The following RIT2 variants were observed in gnomAD, a reference collection of about 807,000 sequenced individuals.
RIT2 encodes the protein GTP-binding protein Rit2.
A neutral mutation model predicts 23.7 loss-of-function variants in RIT2; 24 were observed. The observed-to-expected ratio is 1.01, with a 90% CI of 0.73 to 1.43. The LOEUF is 1.43. Among genes scored for constraint, RIT2 ranks in the 40% most tolerant of loss-of-function variants. RIT2 has a pLI of 0.00. For missense variants in RIT2, 236 were observed against 266.9 expected, an observed-to-expected ratio of 0.88 and a Z score of 0.81; for synonymous variants, 107 against 91.1, an observed-to-expected ratio of 1.17 and a Z score of -0.99.
rs558887361 is a variant in RIT2 at position 42,774,017 on chromosome 18, A to C, written c.427-30297T>G. Among the ~76,000 whole-genome samples, 24 of 152,354 alleles carry C rather than the reference A, an allele frequency of 1.6e-4. 1 individual carries two copies. The highest frequency in any genetic ancestry group is 1.5e-3 in the Admixed American group (23 of 15,302). On this transcript the variant is annotated intron_variant, in intron 4 of 4. Coordinates refer to ENST00000326695, the MANE Select transcript of RIT2 (RefSeq NM_002930.4). ...TGTTGAACTAAACATGAATGAGAGCAATGGAATTCACAGTTTTACCAATGC... is the reference window on the plus strand; with the variant it reads ...TGTTGAACTAAACATGAATGAGAGCCATGGAATTCACAGTTTTACCAATGC...
At chr18:42,897,586 G>T (rs1459294935) in intron 4 of RIT2, among the ~76,000 whole-genome samples, 1 of 152,080 alleles carries the variant, frequency 6.6e-6, no homozygotes, top group African/African-American at 2.4e-5. Flanking sequence ...TAAATGCATA[G>T]CACATAAACC....
intron 3 of RIT2, among the ~76,000 whole-genome samples, chr18:42,941,163 C>G (rs995717111): frequency 6.6e-6 from 1 of 151,832 alleles, no homozygotes; most frequent in African/African-American, 2.4e-5. Context: ...TTGACAAAGG[C>G]AAAAAGAAAT....
chr18:42,860,286 A>T (rs1907292394), intron 4 of RIT2, among the ~76,000 whole-genome samples: 1 of 152,176 alleles, frequency 6.6e-6, no homozygotes, highest in South Asian at 2.1e-4. Flanking sequence ...TTTCTAAGAC[A>T]GTTGTTTTAA....
At chr18:42,795,529 T>TG (rs1905318672) in intron 4 of RIT2, among the ~76,000 whole-genome samples, 1 of 152,182 alleles carries the variant, frequency 6.6e-6, no homozygotes, top group Non-Finnish European at 1.5e-5. Flanking sequence ...CTCCATGGGC[T>TG]CCTGTGCGCC....
chr18:43,053,575 A>G (rs530414725), intron 1 of RIT2, among the ~76,000 whole-genome samples: 2 of 152,068 alleles, frequency 1.3e-5, no homozygotes, highest in African/African-American at 4.8e-5. Flanking sequence ...TCATTTTATT[A>G]TGCTGTCTGG....
At chr18:42,817,302 G>A (rs1906026602) in intron 4 of RIT2, among the ~76,000 whole-genome samples, 2 of 152,066 alleles carry the variant, frequency 1.3e-5, no homozygotes, top group East Asian at 3.9e-4. Flanking sequence ...CAGAATGTAA[G>A]ACAATGGATT....
At chr18:43,008,987 T>C (rs953837135) in intron 2 of RIT2, among the ~76,000 whole-genome samples, 17 of 151,698 alleles carry the variant, frequency 1.1e-4, no homozygotes, top group Admixed American at 3.3e-4. Context: ...AGATATTCAA[T>C]TGAAAACATA....
intron 4 of RIT2, among the ~76,000 whole-genome samples, chr18:42,813,700 A>T (rs1451473243): frequency 6.6e-6 from 1 of 152,192 alleles, no homozygotes; most frequent in Non-Finnish European, 1.5e-5. Flanking sequence ...TAAAAATAAA[A>T]GTCAAAGTAG....
At chr18:42,849,947 G>C (rs1907005948) in intron 4 of RIT2, among the ~76,000 whole-genome samples, 1 of 152,052 alleles carries the variant, frequency 6.6e-6, no homozygotes, top group African/African-American at 2.4e-5. Flanking sequence ...TAAACTCTAA[G>C]TTTCCCTTAA....
intron 3 of RIT2, 29 bp downstream of exon 3, chr18:42,974,045 G>A (rs1910422590): frequency 6.7e-7 from 1 of 1,487,994 alleles, no homozygotes; most frequent in Non-Finnish European, 9.3e-7. Context: ...TAAACTCAGA[G>A]ATTGGAGAGG....
chr18:42,892,548 C>T (rs1908208802), intron 4 of RIT2, among the ~76,000 whole-genome samples: 1 of 152,146 alleles, frequency 6.6e-6, no homozygotes, highest in South Asian at 2.1e-4. Flanking sequence ...CATTGTGCTG[C>T]CTGATTCACA....
chr18:43,021,837 A>AT (rs1282493372), intron 2 of RIT2, among the ~76,000 whole-genome samples: 1 of 152,092 alleles, frequency 6.6e-6, no homozygotes, highest in Non-Finnish European at 1.5e-5. Context: ...AGTCTCAGGT[A>AT]TTTTTTATAG....
intron 2 of RIT2, among the ~76,000 whole-genome samples, chr18:43,002,684 T>C (rs1333869269): frequency 2.0e-5 from 3 of 151,928 alleles, no homozygotes; most frequent in Non-Finnish European, 1.5e-5. Context: ...ATTATTTATC[T>C]GGAGTAGAAA....
intron 2 of RIT2, among the ~76,000 whole-genome samples, chr18:42,979,859 C>T (rs1244131118): frequency 2.6e-5 from 4 of 152,128 alleles, no homozygotes; most frequent in Admixed American, 6.6e-5. Context: ...CATAAAAAAG[C>T]AATTGCACTG....
intron 4 of RIT2, among the ~76,000 whole-genome samples, chr18:42,745,760 A>G (rs1912902667): frequency 6.6e-6 from 1 of 152,200 alleles, no homozygotes. Context: ...TGGTAATCTT[A>G]CCAAATGGTA....
intron 1 of RIT2, among the ~76,000 whole-genome samples, chr18:43,057,648 GAGA>G (rs1255342677): frequency 6.6e-6 from 1 of 151,484 alleles, no homozygotes; most frequent in African/African-American, 2.4e-5. Flanking sequence ...TAGTTACCAT[GAGA>G]AGCAGATGGC....
Position 42,880,804 on chromosome 18 carries a change from C to CTTT in RIT2, c.426+42765_426+42767dup, listed in dbSNP as rs397966126. ...AACAGAATTCTTCCTCTTCCTACCT[C>CTTT]TTTTTTTTTTTTTTTTTTTTGAGAC... On this transcript the variant is annotated intron_variant, in intron 4 of 4. Coordinates refer to ENST00000326695, the MANE Select transcript of RIT2 (RefSeq NM_002930.4). 8.2e-3 allele frequency among the ~76,000 whole-genome samples: 948 copies of CTTT among 115,536 alleles called. 26 individuals are homozygous for CTTT. Among genetic ancestry groups the CTTT allele is most frequent in the African/African-American group, 0.03 (883 of 29,090 alleles). 75.8% of individuals were successfully genotyped at this position (115,536 alleles called of 152,430 possible).
chr18:43,084,457 T>G (rs548871547), intron 1 of RIT2, among the ~76,000 whole-genome samples: 1 of 152,290 alleles, frequency 6.6e-6, no homozygotes, highest in African/African-American at 2.4e-5. Flanking sequence ...GCAGCACTAT[T>G]TACAGTAGCA....
At position 42,909,197 on chromosome 18, in the gene RIT2, T is replaced by C. The variant is rs544585583; in HGVS notation, c.426+14375A>G. ...CAACTTGGACAGAGCTTGAGGCCAT[T>C]ATTGTAAGTGAAATGACTCAGGAAT... On this transcript the variant is annotated intron_variant, in intron 4 of 4. Coordinates refer to ENST00000326695, the MANE Select transcript of RIT2 (RefSeq NM_002930.4). Among the ~76,000 whole-genome samples the C allele has an allele frequency of 2.0e-3, 297 of 152,250 alleles. 1 individual carries two copies. The highest frequency in any genetic ancestry group is 3.0e-3 in the Non-Finnish European group (206 of 68,010).
Sources: gnomAD v4.1 joint callset for allele counts (sites outside exome capture counted in the v4.1 genomes callset) on GRCh38, gnomAD v4.1.1 for gene constraint, MANE v1.5 for transcripts, NCBI Gene and HGNC (gene_info 2026-07-23, HGNC 2026-07-21) for gene names.